Variants in RPS6KA2 observed in about 807,000 individuals in gnomAD.
The protein encoded by RPS6KA2 is ribosomal protein S6 kinase A2, also known as ribosomal protein S6 kinase alpha-2.
In RPS6KA2, 42 loss-of-function variants were observed where a neutral mutation model predicts 91.8. The observed-to-expected ratio is 0.46, with a 90% CI of 0.36 to 0.59. The LOEUF (loss-of-function observed/expected upper bound fraction) is 0.59. Ranked by LOEUF, RPS6KA2 falls within the 20% of genes least tolerant of loss-of-function variation. The pLI is 0.00. For missense variants in RPS6KA2, 798 were observed against 978.5 expected (o/e 0.82, Z 2.46); for synonymous variants, 414 against 393.6 (o/e 1.05, Z -0.61).
chr6:166,795,498 C>T (rs1294737046), intron 2 of RPS6KA2, among the ~76,000 whole-genome samples: 1 of 152,246 alleles, frequency 6.6e-6, no homozygotes, highest in Non-Finnish European at 1.5e-5. Context: ...TTGAACCTGA[C>T]AGCCGATCGC....
intron 2 of RPS6KA2, among the ~76,000 whole-genome samples, chr6:166,799,560 A>C (rs996858951): frequency 1.3e-5 from 2 of 151,388 alleles, no homozygotes; most frequent in African/African-American, 2.4e-5. Flanking sequence ...GTCACAAAAA[A>C]AATTGCATGC....
rs1338733933 is a variant in RPS6KA2, at chr6:166,625,323, ACCCCC to A, written c.99+1593_99+1597del. On this transcript the variant is annotated intron_variant, in intron 1 of 20. Transcript: ENST00000265678. The stretch of plus-strand genomic sequence containing the variant: ...AGAAACCTCGTTTCCTATTCCCACC[ACCCCC>A]CCACCCCCCCCCCCGCTTGTTTCCC... 8.2e-4 allele frequency among the ~76,000 whole-genome samples: 25 copies of A among 30,396 alleles called. 1 individual carries two copies. Among genetic ancestry groups the A allele is most frequent in the African/African-American group, 1.3e-3 (9 of 6,858 alleles). The allele number at this position is 30,396 out of a possible 152,430, so 19.9% of individuals were successfully genotyped here. A position where few individuals can be genotyped will look rare whatever the true frequency, so the allele number is the denominator to read the frequency against.
chr6:166,844,723 A>G (rs1036910265), intron 2 of RPS6KA2, among the ~76,000 whole-genome samples: 2 of 152,234 alleles, frequency 1.3e-5, no homozygotes, highest in Admixed American at 6.5e-5. Flanking sequence ...ACAAATGTTA[A>G]GAGAATTTGC....
intron 2 of RPS6KA2, among the ~76,000 whole-genome samples, chr6:166,692,675 A>G (rs1789245265): frequency 6.6e-6 from 1 of 152,252 alleles, no homozygotes; most frequent in Non-Finnish European, 1.5e-5. Context: ...ATTATGCCAA[A>G]TAATAACTAA....
At chr6:166,555,843 A>G (rs932264975) in intron 1 of RPS6KA2, among the ~76,000 whole-genome samples, 1 of 152,112 alleles carries the variant, frequency 6.6e-6, no homozygotes, top group Non-Finnish European at 1.5e-5. Context: ...CCTCACTTAT[A>G]GGTAAAAATA....
At chr6:166,545,965 T>G (rs975679184) in intron 1 of RPS6KA2, among the ~76,000 whole-genome samples, 2 of 152,176 alleles carry the variant, frequency 1.3e-5, no homozygotes, top group Non-Finnish European at 2.9e-5. Flanking sequence ...TCGGCCATTC[T>G]GTCGGTGTGC....
At chr6:166,831,132 G>A (rs1041500151) in intron 2 of RPS6KA2, among the ~76,000 whole-genome samples, 9 of 152,134 alleles carry the variant, frequency 5.9e-5, no homozygotes, top group East Asian at 1.9e-4. Context: ...TGGAAGAGGC[G>A]CCTCCCTCCT....
chr6:166,412,750 G>T lies in RPS6KA2; in HGVS notation c.*12C>A. ...ATGCTGGCAGGGGACGCTGGGGCCA[G>T]GGTCCCACCCGCTACAGCCGCGTGG... is the stretch of plus-strand genomic sequence containing the variant. On this transcript the variant is annotated 3_prime_UTR_variant, in exon 21 of 21. Coordinates refer to ENST00000265678, the MANE Select transcript of RPS6KA2 (RefSeq NM_021135.6). This position sits in a 1 kb window ranked among gnomAD's most constrained non-coding sequence, Gnocchi z 4.3. 6.3e-7 allele frequency: 1 copy of T among 1,584,030 alleles called. No homozygotes were observed. The highest frequency in any genetic ancestry group is 8.6e-7 in the Non-Finnish European group (1 of 1,166,456).
chr6:166,671,871 G>A (rs556032993), intron 2 of RPS6KA2, among the ~76,000 whole-genome samples: 1 of 152,164 alleles, frequency 6.6e-6, no homozygotes, highest in Non-Finnish European at 1.5e-5. Flanking sequence ...CCTCAGAGAT[G>A]CAAATTGGGT....
intron 2 of RPS6KA2, among the ~76,000 whole-genome samples, chr6:166,819,588 T>G (rs550950057): frequency 6.6e-6 from 1 of 152,344 alleles, no homozygotes; most frequent in South Asian, 2.1e-4. Context: ...GTCAACTGTG[T>G]GTAGATAGGG....
intron 1 of RPS6KA2, among the ~76,000 whole-genome samples, chr6:166,621,933 C>T (rs991976067): frequency 6.6e-6 from 1 of 152,196 alleles, no homozygotes; most frequent in African/African-American, 2.4e-5. Context: ...ACTTCTCCCA[C>T]CCACTATTAA....
At chr6:166,548,525 C>T (rs1201737920) in intron 1 of RPS6KA2, among the ~76,000 whole-genome samples, 1 of 152,046 alleles carries the variant, frequency 6.6e-6, no homozygotes, top group African/African-American at 2.4e-5. Flanking sequence ...AATAGAGGAC[C>T]CAGGAATAGA....
chr6:166,650,741 C>G (rs766601277), intron 2 of RPS6KA2, among the ~76,000 whole-genome samples: 1 of 152,324 alleles, frequency 6.6e-6, no homozygotes, highest in Non-Finnish European at 1.5e-5. Context: ...ACTTGGTTCT[C>G]TCTCTGTCTC....
chr6:166,610,168 C>T (rs139703814), intron 1 of RPS6KA2, among the ~76,000 whole-genome samples: 13 of 152,296 alleles, frequency 8.5e-5, no homozygotes, highest in Admixed American at 3.9e-4. Context: ...TATATAAGCA[C>T]GTGTGGCATC....
chr6:166,826,756 G>A (rs1162968394), intron 2 of RPS6KA2, among the ~76,000 whole-genome samples: 1 of 152,148 alleles, frequency 6.6e-6, no homozygotes, highest in African/African-American at 2.4e-5. Context: ...GGACATATAT[G>A]AAATTCAGTA....
At position 166,459,854 on chromosome 6, in the gene RPS6KA2, T is replaced by C. The variant is rs1780216682; in HGVS notation, c.973-303A>G. Among the ~76,000 whole-genome samples, 1 of 152,154 alleles carries C rather than the reference T, an allele frequency of 6.6e-6. No individual in the cohort carries two copies. ...CCAAGTGTTCTTCATTTTAGGGCAA[T>C]AGTTTTCTAGCTTCTTCTTGGTAGT... On this transcript the variant is annotated intron_variant, in intron 11 of 20. Transcript: ENST00000265678. The surrounding 1 kb of genome is among the most constrained non-coding windows in gnomAD (Gnocchi z 4.9).
At chr6:166,835,438 C>A (rs1780293542) in intron 2 of RPS6KA2, among the ~76,000 whole-genome samples, 1 of 152,198 alleles carries the variant, frequency 6.6e-6, no homozygotes. Context: ...TCATTTAGAA[C>A]CTCCCTTTAA....
chr6:166,627,298 A>C, upstream of RPS6KA2: 1 of 875,714 alleles, frequency 1.1e-6, no homozygotes, highest in Non-Finnish European at 1.4e-6. Context: ...CACCACCACT[A>C]CCACCAATCA....
At chr6:166,420,653 G>A (rs1049188856) in intron 17 of RPS6KA2, among the ~76,000 whole-genome samples, 1 of 152,136 alleles carries the variant, frequency 6.6e-6, no homozygotes, top group Non-Finnish European at 1.5e-5. Context: ...GGACACTCTC[G>A]TGGCTTCCAC....
Sources: gnomAD v4.1 joint callset for allele counts (sites outside exome capture counted in the v4.1 genomes callset) on GRCh38, gnomAD v4.1.1 for gene constraint, Gnocchi (gnomAD v3.1) non-coding constraint, MANE v1.5 for transcripts, NCBI Gene and HGNC (gene_info 2026-07-23, HGNC 2026-07-21) for gene names.